Variants in AMZ1 observed in about 807,000 individuals in gnomAD.
The protein encoded by AMZ1 is archaemetzincin-1.
In AMZ1, 39 loss-of-function variants were observed where a neutral mutation model predicts 29.9. That is an observed-to-expected ratio of 1.30 (90% CI 1.01 to 1.70). The LOEUF is 1.70. AMZ1 is among the 40% of genes most tolerant of loss of function. The pLI is 0.00. For synonymous variants in AMZ1, 458 were observed against 304.0 expected (o/e 1.51, Z -5.27); for missense variants, 1,041 against 680.6 (o/e 1.53, Z -5.89).
chr7:2,707,751 G>T (rs935757157), intron 3 of AMZ1, among the ~76,000 whole-genome samples: 3 of 150,690 alleles, frequency 2.0e-5, no homozygotes, highest in Admixed American at 6.6e-5. Flanking sequence ...TCCTTCCTCC[G>T]AGCCAGCCCT....
intron 4 of AMZ1, among the ~76,000 whole-genome samples, chr7:2,757,214 C>A (rs1791348119): frequency 6.9e-6 from 1 of 144,032 alleles, no homozygotes; most frequent in South Asian, 2.2e-4. Flanking sequence ...TGGCTCACTG[C>A]AAGCTCTGCC....
At chr7:2,733,608 G>T (rs1038736930) in intron 4 of AMZ1, 7 of 795,876 alleles carry the variant, frequency 8.8e-6, no homozygotes, top group Admixed American at 4.0e-5. Flanking sequence ...GCCTCCGTGT[G>T]AATGGGAAAG....
Position 2,691,607 on chromosome 7 carries a change from C to T in AMZ1, c.-219+3311C>T, listed in dbSNP as rs371596583. 4.9e-5 allele frequency among the ~76,000 whole-genome samples: 7 copies of T among 144,188 alleles called. 1 individual carries two copies. The highest frequency in any genetic ancestry group is 3.9e-4 in the East Asian group (2 of 5,128). 94.6% of individuals were successfully genotyped at this position (144,188 alleles called of 152,430 possible). A position where few individuals can be genotyped will look rare whatever the true frequency, so the allele number is the denominator to read the frequency against. ...AATACAAAAATAAGCTGGGTGTGGT[C>T]GTGAGCGCCTGCAGTCCCAGCTGTT... On this transcript the variant is annotated intron_variant, in intron 1 of 6. Coordinates refer to ENST00000683327, the MANE Select transcript of AMZ1 (RefSeq NM_001384743.1).
rs2115197116 is a variant in AMZ1, at chr7:2,713,884, T to G, written c.*1006T>G. On this transcript the variant is annotated 3_prime_UTR_variant, in exon 7 of 7. Coordinates refer to ENST00000683327, the MANE Select transcript of AMZ1 (RefSeq NM_001384743.1). Reference sequence around the variant, plus strand: ...GGCCGCGCTGTCAGTACCAAGTAGCTGGAGGTGGTGATCAGATGATCTGTC... The same window carrying G: ...GGCCGCGCTGTCAGTACCAAGTAGCGGGAGGTGGTGATCAGATGATCTGTC... The G allele has an allele frequency of 6.6e-6, 1 of 152,300 alleles. No individual in the cohort carries two copies. Among genetic ancestry groups the G allele is most frequent in the Middle Eastern group, 3.4e-3 (1 of 294 alleles). 9.4% of individuals were successfully genotyped at this position (152,300 alleles called of 1,614,324 possible).
At chr7:2,761,995 G>A (rs957083443), upstream of AMZ1, among the ~76,000 whole-genome samples, 1 of 152,122 alleles carries the variant, frequency 6.6e-6, no homozygotes. Context: ...TAACCTCACC[G>A]AGGCCTCCCA....
chr7:2,691,055 C>A (rs192602555), intron 1 of AMZ1, among the ~76,000 whole-genome samples: 2 of 143,454 alleles, frequency 1.4e-5, no homozygotes, highest in Non-Finnish European at 3.0e-5. Flanking sequence ...GCATGAGAAT[C>A]GCTTGAACCC....
rs144293822 is a variant in AMZ1 at position 2,712,761 on chromosome 7, C to T, written c.1380C>T (p.Ser460=). The stretch of plus-strand genomic sequence containing the variant: ...AGGACCCACCCAGCAGCAGGGACAG[C>T]GTGGGGCTGCGCAAGGTGCTGGGGG... ...TRQDPPSSRD[S]VGLRKVLGDK... is the part of the protein sequence containing the mutation. The change falls in exon 7 of 7, where the codon AGC becomes AGT. Residue 460 remains serine (S), a synonymous_variant. Transcript: ENST00000683327. 3.2e-4 allele frequency: 512 copies of T among 1,597,048 alleles called. No homozygotes were observed. The highest frequency in any genetic ancestry group is 4.0e-4 in the Non-Finnish European group (463 of 1,170,410).
At chr7:2,746,406 T>C (rs1236833175) in intron 4 of AMZ1, among the ~76,000 whole-genome samples, 1 of 152,004 alleles carries the variant, frequency 6.6e-6, no homozygotes, top group African/African-American at 2.4e-5. Flanking sequence ...AACAACCTGC[T>C]CCTAAATGAC....
intron 1 of AMZ1, among the ~76,000 whole-genome samples, chr7:2,695,917 G>A (rs571154551): frequency 6.8e-3 from 1,025 of 151,336 alleles, no homozygotes; most frequent in Non-Finnish European, 0.012. Flanking sequence ...GGCTGAGGCA[G>A]GAGAATCGCT....
At chr7:2,688,890 G>T (rs919001518) in intron 1 of AMZ1, among the ~76,000 whole-genome samples, 1 of 152,254 alleles carries the variant, frequency 6.6e-6, no homozygotes, top group Admixed American at 6.5e-5. Flanking sequence ...GGGTGACAGA[G>T]AAATGGCAAA....
In AMZ1 at chr7:2,712,619, T is replaced by C. The variant is rs1339227425; in HGVS notation, c.1238T>C (p.Met413Thr). Residue 413 changes from methionine (M) to threonine (T), a missense_variant, in exon 7 of 7, where the codon ATG (methionine) becomes ACG (threonine). Coordinates refer to ENST00000683327, the MANE Select transcript of AMZ1 (RefSeq NM_001384743.1). ...AAGGAGCATGAACGGTGGCTGGCCATGTGCATCCAGGCCCTGCAGCGGGAA... is the reference window on the plus strand; with the variant it reads ...AAGGAGCATGAACGGTGGCTGGCCACGTGCATCCAGGCCCTGCAGCGGGAA... The part of the protein sequence containing the change: ...AIKEHERWLA[M>T]CIQALQREVA... 34 of 1,612,822 alleles carry C rather than the reference T, an allele frequency of 2.1e-5. No individual in the cohort carries two copies. Among genetic ancestry groups the C allele is most frequent in the Non-Finnish European group, 2.6e-5 (31 of 1,179,880 alleles).
intron 4 of AMZ1, among the ~76,000 whole-genome samples, chr7:2,751,711 T>A (rs998520233): frequency 6.6e-6 from 1 of 152,220 alleles, no homozygotes; most frequent in Non-Finnish European, 1.5e-5. Flanking sequence ...CATTGACAGG[T>A]ATTAAGAGAA....
At chr7:2,681,021 G>A (rs1411273296) in intron 1 of AMZ1, among the ~76,000 whole-genome samples, 1 of 152,230 alleles carries the variant, frequency 6.6e-6, no homozygotes, top group Non-Finnish European at 1.5e-5. Context: ...AACCTTCCAG[G>A]ACGCTGAGCA....
chr7:2,752,786 C>T (rs1791100945), intron 4 of AMZ1, among the ~76,000 whole-genome samples: 1 of 152,080 alleles, frequency 6.6e-6, no homozygotes, highest in South Asian at 2.1e-4. Flanking sequence ...GCAAAGATTG[C>T]CTAGAGAGGT....
intron 1 of AMZ1, among the ~76,000 whole-genome samples, chr7:2,695,750 C>G (rs375516637): frequency 2.0e-5 from 3 of 151,812 alleles, no homozygotes; most frequent in African/African-American, 7.3e-5. Context: ...GTGGCTCATG[C>G]CTATAATCCC....
intron 4 of AMZ1, among the ~76,000 whole-genome samples, chr7:2,739,686 T>A (rs1357276141): frequency 6.6e-6 from 1 of 152,174 alleles, no homozygotes; most frequent in Non-Finnish European, 1.5e-5. Context: ...AGTTCTTTTT[T>A]TATTTTAAAA....
At chr7:2,762,189 C>G (rs1366882783), upstream of AMZ1, 1 of 164,822 alleles carries the variant, frequency 6.1e-6, no homozygotes, top group Non-Finnish European at 1.3e-5. Context: ...GAGGGGTCAA[C>G]CCAGGCTTCG....
chr7:2,687,635 G>A (rs1333543655), upstream of AMZ1, among the ~76,000 whole-genome samples: 2 of 152,234 alleles, frequency 1.3e-5, no homozygotes, highest in African/African-American at 2.4e-5. Context: ...GCCAGGGTAG[G>A]GCAGGGCGCC....
chr7:2,689,321 T>A (rs1787243146), intron 1 of AMZ1, among the ~76,000 whole-genome samples: 1 of 151,962 alleles, frequency 6.6e-6, no homozygotes, highest in Non-Finnish European at 1.5e-5. Context: ...GATACCTGGT[T>A]ACTGGGCCAG....
Sources: gnomAD v4.1 joint callset for allele counts (sites outside exome capture counted in the v4.1 genomes callset) on GRCh38, gnomAD v4.1.1 for gene constraint, MANE v1.5 for transcripts, NCBI Gene and HGNC (gene_info 2026-07-23, HGNC 2026-07-21) for gene names.